The following TBXAS1 variants were observed in gnomAD, a reference collection of about 807,000 sequenced individuals.
TBXAS1 encodes thromboxane-A synthase.
Under a neutral mutation model 60.7 loss-of-function variants are expected in TBXAS1, and 48 were observed. The ratio of observed to expected loss-of-function variants is 0.79; its 90% confidence interval spans 0.63 to 1.01. The LOEUF (loss-of-function observed/expected upper bound fraction) is 1.01, where lower values mean the gene tolerates loss of function less well. Ranked by LOEUF, TBXAS1 falls within the 50% of genes least tolerant of loss-of-function variation. The pLI is 0.00. For synonymous variants in TBXAS1, 287 were observed against 269.7 expected (o/e 1.06, Z -0.63); for missense variants, 685 against 686.3 (o/e 1.00, Z 0.02).
intron 1 of TBXAS1, among the ~76,000 whole-genome samples, chr7:139,866,999 C>A (rs1801465394): frequency 6.6e-6 from 1 of 152,164 alleles, no homozygotes; most frequent in East Asian, 1.9e-4. Flanking sequence ...TTTGAAAAGG[C>A]AATTATTTAA....
chr7:139,815,481 T>G (rs1197115910), intron 4 of TBXAS1, among the ~76,000 whole-genome samples: 1 of 152,204 alleles, frequency 6.6e-6, no homozygotes, highest in Non-Finnish European at 1.5e-5. Context: ...CCAAACTGAT[T>G]TTGTTGGTAA....
chr7:139,984,123 C>T (rs946126639), intron 9 of TBXAS1, among the ~76,000 whole-genome samples: 11 of 152,364 alleles, frequency 7.2e-5, no homozygotes, highest in East Asian at 1.9e-4. Context: ...ACCCCTTACC[C>T]GGCCATGTGG....
At chr7:139,819,589 G>A (rs564065580) in intron 4 of TBXAS1, among the ~76,000 whole-genome samples, 14 of 152,222 alleles carry the variant, frequency 9.2e-5, no homozygotes, top group Non-Finnish European at 1.5e-4. Flanking sequence ...TGCAACCTCC[G>A]CCTCCCAGGT....
At chr7:139,951,457 C>G (rs1468290148) in intron 5 of TBXAS1, among the ~76,000 whole-genome samples, 1 of 151,506 alleles carries the variant, frequency 6.6e-6, no homozygotes, top group Non-Finnish European at 1.5e-5. Context: ...GTTCAGTCCC[C>G]CATTGAAAGG....
In TBXAS1 at chr7:139,962,005, C is replaced by T. The variant is rs186487639; in HGVS notation, c.906C>T (p.Asp302=). The T allele has an allele frequency of 5.3e-5, 85 of 1,614,248 alleles. No individual in the cohort carries two copies. Among genetic ancestry groups the T allele is most frequent in the African/African-American group, 4.0e-4 (30 of 75,060 alleles). Residue 302 remains aspartate (D), a synonymous_variant, in exon 9 of 13, where the codon GAC becomes GAT. Transcript: ENST00000448866. ...MGVQDFDIVR[D]VFSSTGCKPN... ...TGCAAGACTTTGACATCGTCAGAGACGTTTTCTCCTCTACTGGGTGCAAGC... is the reference window on the plus strand; with the variant it reads ...TGCAAGACTTTGACATCGTCAGAGATGTTTTCTCCTCTACTGGGTGCAAGC...
In TBXAS1 at chr7:139,984,776, G is replaced by GAAAAGAAAGAAAGAAAGCAGGAAAGA. The variant is rs1207069942; in HGVS notation, c.1135-22312_1135-22311insAGAAAGAAAGAAAGCAGGAAAGAAAA. Among the ~76,000 whole-genome samples, 253 of 36,996 alleles carry GAAAAGAAAGAAAGAAAGCAGGAAAGA rather than the reference G, an allele frequency of 6.8e-3. 3 individuals are homozygous for GAAAAGAAAGAAAGAAAGCAGGAAAGA. The Middle Eastern group carries it at 0.095, about 14-fold the overall frequency. 24.3% of individuals were successfully genotyped at this position (36,996 alleles called of 152,430 possible). ...AGAAAGAAAGAAAGCAGGAAAGAAAGAAAGAAAAGAAAGAAAGAAAGGGAA... is the reference window on the plus strand; with the variant it reads ...AGAAAGAAAGAAAGCAGGAAAGAAAGAAAAGAAAGAAAGAAAGCAGGAAAGAAAAGAAAAGAAAGAAAGAAAGGGAA... On this transcript the variant is annotated intron_variant, in intron 9 of 12. Transcript: ENST00000448866.
chr7:139,795,937 C>T lies in TBXAS1; in HGVS notation c.-80+8511C>T, dbSNP rs566674304. 2.0e-5 allele frequency among the ~76,000 whole-genome samples: 3 copies of T among 152,188 alleles called. No homozygotes were observed. In the South Asian group the frequency reaches 6.2e-4, roughly 32 times the overall value. The stretch of plus-strand genomic sequence containing the variant: ...TCATTTGCACCCCTCTTCATCTCTG[C>T]AGTAGTTCTTAATTTCGTGGGGGGC... On this transcript the variant is annotated intron_variant, in intron 4 of 16. Transcript: ENST00000336425.
intron 5 of TBXAS1, among the ~76,000 whole-genome samples, chr7:139,949,551 G>A (rs1809031095): frequency 6.6e-6 from 1 of 152,084 alleles, no homozygotes; most frequent in Admixed American, 6.5e-5. Context: ...TGGAAGTTGG[G>A]GCCTAGAGAC....
chr7:139,986,423 A>G (rs1331076809), intron 9 of TBXAS1, among the ~76,000 whole-genome samples: 1 of 152,070 alleles, frequency 6.6e-6, no homozygotes, highest in Non-Finnish European at 1.5e-5. Flanking sequence ...TACATGAGTA[A>G]GTTCTTTAGG....
Position 139,966,545 on chromosome 7 carries a change from C to T in TBXAS1, c.1134+4312C>T, listed in dbSNP as rs182761894. Among the ~76,000 whole-genome samples the T allele has an allele frequency of 3.1e-4, 47 of 152,370 alleles. No individual in the cohort carries two copies. The East Asian group carries it at 8.7e-3, about 28-fold the overall frequency. On this transcript the variant is annotated intron_variant, in intron 9 of 12. Coordinates refer to ENST00000448866, the MANE Select transcript of TBXAS1 (RefSeq NM_001061.7). Reference sequence around the variant, plus strand: ...TCAGGCACATCTTCCCTAGGGGTCTCAAGCCAGCTGTGTAACCAGTGTTTT... The same window carrying T: ...TCAGGCACATCTTCCCTAGGGGTCTTAAGCCAGCTGTGTAACCAGTGTTTT...
At chr7:139,934,621 C>G (rs1465904145) in intron 4 of TBXAS1, among the ~76,000 whole-genome samples, 5 of 152,198 alleles carry the variant, frequency 3.3e-5, no homozygotes, top group Non-Finnish European at 7.3e-5. Context: ...TGCTGGAGAT[C>G]AGAAGCCTGA....
chr7:139,991,918 G>C (rs187149814), intron 9 of TBXAS1, among the ~76,000 whole-genome samples: 1 of 152,352 alleles, frequency 6.6e-6, no homozygotes, highest in East Asian at 1.9e-4. Context: ...CTAGGCACCA[G>C]AGCTCGAGGG....
chr7:139,926,752 A>T (rs1477209144), intron 4 of TBXAS1, among the ~76,000 whole-genome samples: 1 of 151,456 alleles, frequency 6.6e-6, no homozygotes, highest in Admixed American at 6.6e-5. Flanking sequence ...TTTTTGCTGT[A>T]GGCACTTATA....
chr7:140,004,788 C>T lies in TBXAS1; in HGVS notation c.1135-2303C>T, dbSNP rs1813932877. Among the ~76,000 whole-genome samples the T allele has an allele frequency of 6.6e-6, 1 of 152,236 alleles. No individual in the cohort carries two copies. The highest frequency in any genetic ancestry group is 2.4e-5 in the African/African-American group (1 of 41,466). Reference sequence around the variant, plus strand: ...AGACTAACCTCCAAGGATCTCTAAACCTCTGTGCTATGACACCCTCAGTAC... The same window carrying T: ...AGACTAACCTCCAAGGATCTCTAAATCTCTGTGCTATGACACCCTCAGTAC... On this transcript the variant is annotated intron_variant, in intron 9 of 12. Transcript: ENST00000448866. The surrounding 1 kb of genome is among the most constrained non-coding windows in gnomAD (Gnocchi z 5.1).
intron 4 of TBXAS1, among the ~76,000 whole-genome samples, chr7:139,801,945 G>A (rs1368760825): frequency 6.6e-6 from 1 of 152,128 alleles, no homozygotes; most frequent in African/African-American, 2.4e-5. Context: ...TGTATTTTTA[G>A]TAGAGATGGG....
rs148186201 is a variant in TBXAS1, at chr7:140,011,046, G to A, written c.1226+3864G>A. On this transcript the variant is annotated intron_variant, in intron 10 of 12. Coordinates refer to ENST00000448866, the MANE Select transcript of TBXAS1 (RefSeq NM_001061.7). The stretch of plus-strand genomic sequence containing the variant: ...TAATTCCAGCACTTTGGGAGGCAAG[G>A]AGGGAAGATCACTTGAGTTCAGGAG... 2.7e-3 allele frequency among the ~76,000 whole-genome samples: 417 copies of A among 151,948 alleles called. 1 individual carries two copies. Among genetic ancestry groups the A allele is most frequent in the Non-Finnish European group, 4.3e-3 (295 of 67,978 alleles).
At chr7:139,809,553 T>C (rs1797977163) in intron 4 of TBXAS1, among the ~76,000 whole-genome samples, 1 of 152,122 alleles carries the variant, frequency 6.6e-6, no homozygotes, top group South Asian at 2.1e-4. Context: ...CATGGCTCAG[T>C]CCCCGTCTAA....
intron 4 of TBXAS1, among the ~76,000 whole-genome samples, chr7:139,817,891 A>G (rs2116428827): frequency 6.6e-6 from 1 of 152,344 alleles, no homozygotes; most frequent in South Asian, 2.1e-4. Context: ...GTTCTTGCAG[A>G]AAGAGTGGTG....
chr7:139,912,717 T>C (rs1002169006), intron 4 of TBXAS1, among the ~76,000 whole-genome samples: 15 of 152,130 alleles, frequency 9.9e-5, no homozygotes, highest in Admixed American at 7.9e-4. Context: ...GGGTGTGAGG[T>C]GCTTGGGGCT....
Sources: gnomAD v4.1 joint callset for allele counts (sites outside exome capture counted in the v4.1 genomes callset) on GRCh38, gnomAD v4.1.1 for gene constraint, Gnocchi (gnomAD v3.1) non-coding constraint, MANE v1.5 for transcripts, NCBI Gene and HGNC (gene_info 2026-07-23, HGNC 2026-07-21) for gene names.